SEC24B: variants seen among roughly 807,000 people sequenced by gnomAD.
SEC24B encodes the protein protein transport protein Sec24B.
Under a neutral mutation model 142.8 loss-of-function variants are expected in SEC24B, and 45 were observed. The observed-to-expected ratio is 0.32, with a 90% CI of 0.25 to 0.40. SEC24B has a LOEUF of 0.40. Among genes scored for constraint, SEC24B ranks in the 10% least tolerant of loss-of-function variants. The probability of loss-of-function intolerance (pLI) is 1.00; values close to 1 mark genes in which losing one functional copy is unlikely to be tolerated. For missense variants in SEC24B, 1,409 were observed against 1,526.8 expected (o/e 0.92, Z 1.29); for synonymous variants, 574 against 568.2 (o/e 1.01, Z -0.15).
At position 109,467,299 on chromosome 4, in the gene SEC24B, C is replaced by G. The variant is rs542210668; in HGVS notation, c.877+3655C>G. Among the ~76,000 whole-genome samples, 424 of 141,848 alleles carry G rather than the reference C, an allele frequency of 3.0e-3. 5 individuals are homozygous for G. The highest frequency in any genetic ancestry group is 5.8e-4 in the Non-Finnish European group (39 of 66,674). The allele number at this position is 141,848 out of a possible 152,430, so 93.1% of individuals were successfully genotyped here. On this transcript the variant is annotated intron_variant, in intron 2 of 23. Coordinates refer to ENST00000265175, the MANE Select transcript of SEC24B (RefSeq NM_006323.5). ...CGAGATCGCGCCACTGCACTCCAGC[C>G]TGGGCGACAGAGCGAGACTCCGTCT...
rs1737163720 is a variant in SEC24B at position 109,510,117 on chromosome 4, G to GT, written c.1776+7dup. 1 of 1,523,068 alleles carries GT rather than the reference G, an allele frequency of 6.6e-7. No individual in the cohort carries two copies. The highest frequency in any genetic ancestry group is 1.8e-5 in the Admixed American group (1 of 55,256). 94.3% of individuals were successfully genotyped at this position (1,523,068 alleles called of 1,614,324 possible). ...ATCCCTTCAGAGACCTAACGGTAAA[G>GT]TAACATTTTATAATATTTATGGGTA... On this transcript the variant is annotated splice_region_variant and intron_variant, in intron 8 of 23. Coordinates refer to ENST00000265175, the MANE Select transcript of SEC24B (RefSeq NM_006323.5).
chr4:109,458,827 TTCTG>T (rs1730968451), intron 1 of SEC24B, among the ~76,000 whole-genome samples: 5 of 148,846 alleles, frequency 3.4e-5, no homozygotes, highest in Non-Finnish European at 7.5e-5. Flanking sequence ...TTTGATCACT[TTCTG>T]TATTTTTTTT....
At chr4:109,524,712 C>T (rs1724029070) in intron 14 of SEC24B, 106 bp from the exon 15 acceptor site, 1 of 977,764 alleles carries the variant, frequency 1.0e-6, no homozygotes, top group Non-Finnish European at 1.5e-6. Flanking sequence ...ATTTAGAAAA[C>T]TCTTAGTTTG....
chr4:109,496,264 C>T (rs1735532837), intron 6 of SEC24B, among the ~76,000 whole-genome samples: 1 of 152,058 alleles, frequency 6.6e-6, no homozygotes, highest in Non-Finnish European at 1.5e-5. Context: ...AGGTGCCCAC[C>T]ACCATGCCCG....
chr4:109,478,079 C>T (rs1380005991), intron 3 of SEC24B, among the ~76,000 whole-genome samples: 5 of 152,012 alleles, frequency 3.3e-5, no homozygotes, highest in African/African-American at 4.8e-5. Flanking sequence ...GTCAGGACTT[C>T]GAGACCAGTC....
chr4:109,533,539 G>C, intron 21 of SEC24B, 54 bp from the exon 22 acceptor site: 2 of 1,090,972 alleles, frequency 1.8e-6, no homozygotes, highest in Non-Finnish European at 2.8e-6. Context: ...GAACATTAAT[G>C]AAAATGAATT....
chr4:109,530,331 A>T lies in SEC24B; in HGVS notation c.3119A>T (p.Asp1040Val). 1 of 1,613,918 alleles carries T rather than the reference A, an allele frequency of 6.2e-7. No individual in the cohort carries two copies. Among genetic ancestry groups the T allele is most frequent in the Non-Finnish European group, 8.5e-7 (1 of 1,179,912 alleles). The change falls in exon 19 of 24, where the codon GAT (aspartate) becomes GTT (valine). Residue 1040 changes from aspartate (D) to valine (V), a missense_variant. By Grantham distance (152) the Asp-to-Val change is radical (BLOSUM62 -3). Coordinates refer to ENST00000265175, the MANE Select transcript of SEC24B (RefSeq NM_006323.5). Reference sequence around the variant, plus strand: ...TCATCAAGTCTGTCAGATGCAAGAGATGCCTTAGTGAATGCTGTAGTGGAC... The same window carrying T: ...TCATCAAGTCTGTCAGATGCAAGAGTTGCCTTAGTGAATGCTGTAGTGGAC... ...SVSSSLSDAR[D>V]ALVNAVVDSL... is the part of the protein sequence containing the mutation.
In SEC24B at chr4:109,530,440, C is replaced by G. The variant is rs191556752; in HGVS notation, c.3228C>G (p.Leu1076=). The G allele has an allele frequency of 1.4e-4, 221 of 1,613,920 alleles. No individual in the cohort carries two copies. The East Asian group carries it at 4.6e-3, about 34-fold the overall frequency. Residue 1076 remains leucine, a synonymous_variant, in exon 19 of 24, where the codon CTC becomes CTG. Coordinates refer to ENST00000265175, the MANE Select transcript of SEC24B (RefSeq NM_006323.5). ...CCAGCTCCCTCAAGTTGTTTCCTCT[C>G]TATGTTTTGGCCCTTCTCAAACAGG... ...MAPSSLKLFP[L]YVLALLKQKA...
intron 1 of SEC24B, among the ~76,000 whole-genome samples, chr4:109,453,894 G>C (rs1730397499): frequency 6.6e-6 from 1 of 152,130 alleles, no homozygotes; most frequent in African/African-American, 2.4e-5. Flanking sequence ...TTTCGCTCTT[G>C]TCCCCCAGGC....
In SEC24B at chr4:109,539,477, G is replaced by A. The variant is rs574668781; in HGVS notation, c.3693-84G>A. The A allele has an allele frequency of 1.4e-5, 11 of 771,116 alleles. No homozygotes were observed. The East Asian group carries it at 2.3e-4, about 16-fold the overall frequency. 47.8% of individuals were successfully genotyped at this position (771,116 alleles called of 1,614,324 possible). A position where few individuals can be genotyped will look rare whatever the true frequency, so the allele number is the denominator to read the frequency against. ...ATTTGTATAAATTTACAGGATACAAGTGTAATTTTATGAGCTAGATTGCAA... is the reference window on the plus strand; with the variant it reads ...ATTTGTATAAATTTACAGGATACAAATGTAATTTTATGAGCTAGATTGCAA... On this transcript the variant is annotated intron_variant, in intron 23 of 23. Transcript: ENST00000265175.
chr4:109,518,878 C>T (rs1723282025), intron 11 of SEC24B, among the ~76,000 whole-genome samples: 1 of 147,654 alleles, frequency 6.8e-6, no homozygotes, highest in South Asian at 2.1e-4. Flanking sequence ...GTGATCTCTG[C>T]TCGCTGCAGC....
intron 14 of SEC24B, among the ~76,000 whole-genome samples, chr4:109,523,791 T>C (rs1015097812): frequency 1.2e-4 from 18 of 152,338 alleles, no homozygotes; most frequent in Admixed American, 1.2e-3. Flanking sequence ...TTTAAGTTAT[T>C]AAATAAAGAA....
chr4:109,436,381 A>C (rs975786397), intron 1 of SEC24B, among the ~76,000 whole-genome samples: 1 of 152,196 alleles, frequency 6.6e-6, no homozygotes, highest in Non-Finnish European at 1.5e-5. Context: ...TTAGCCTTTT[A>C]ATATATCTCT....
In SEC24B at chr4:109,481,724, A is replaced by G. The variant is rs759045509; in HGVS notation, c.1108A>G (p.Thr370Ala). Residue 370 changes from threonine (T) to alanine (A), a missense_variant, in exon 4 of 24, where the codon ACT (threonine) becomes GCT (alanine). Thr to Ala is a moderately conservative substitution (Grantham distance 58). Coordinates refer to ENST00000265175, the MANE Select transcript of SEC24B (RefSeq NM_006323.5). ...TAATAACCAAGCTAGCTCCGCACCA[A>G]CTCCCTTGTCATCAACTTCCGATGA... ...YVNNQASSAP[T>A]PLSSTSDDEE... The G allele has an allele frequency of 2.5e-6, 4 of 1,613,716 alleles. No individual in the cohort carries two copies. Among genetic ancestry groups the G allele is most frequent in the Non-Finnish European group, 3.4e-6 (4 of 1,179,762 alleles).
rs569782386 is a variant in SEC24B at position 109,466,427 on chromosome 4, T to C, written c.877+2783T>C. On this transcript the variant is annotated intron_variant, in intron 2 of 23. Coordinates refer to ENST00000265175, the MANE Select transcript of SEC24B (RefSeq NM_006323.5). Reference sequence around the variant, plus strand: ...TTTTGTGTTTTGTTTTGTTTTGTTTTTGAGATGGAGTCTCGCTCTGTCACC... The same window carrying C: ...TTTTGTGTTTTGTTTTGTTTTGTTTCTGAGATGGAGTCTCGCTCTGTCACC... Among the ~76,000 whole-genome samples the C allele has an allele frequency of 5.3e-5, 8 of 152,326 alleles. No homozygotes were observed. In the South Asian group the frequency reaches 1.7e-3, roughly 32 times the overall value.
intron 17 of SEC24B, among the ~76,000 whole-genome samples, chr4:109,526,653 C>T (rs913863498): frequency 6.6e-6 from 1 of 152,072 alleles, no homozygotes; most frequent in South Asian, 2.1e-4. Context: ...ATGCTAAATC[C>T]AGCTATGCCA....
intron 1 of SEC24B, among the ~76,000 whole-genome samples, chr4:109,448,437 A>C (rs1467235060): frequency 1.3e-5 from 2 of 152,160 alleles, no homozygotes; most frequent in African/African-American, 2.4e-5. Flanking sequence ...AGACTTACAG[A>C]AGTGTTGCAA....
intron 6 of SEC24B, 81 bp from the exon 7 acceptor site, chr4:109,506,247 T>A (rs1342776654): frequency 2.0e-6 from 2 of 996,936 alleles, no homozygotes; most frequent in Non-Finnish European, 2.7e-6. Context: ...GCTTTTTCTG[T>A]ATGTTGAGAT....
intron 3 of SEC24B, among the ~76,000 whole-genome samples, chr4:109,477,751 A>G (rs966167177): frequency 6.6e-6 from 1 of 152,164 alleles, no homozygotes. Flanking sequence ...AGCATATACT[A>G]CTAAGTACTA....
Sources: gnomAD v4.1 joint callset for allele counts (sites outside exome capture counted in the v4.1 genomes callset) on GRCh38, gnomAD v4.1.1 for gene constraint, MANE v1.5 for transcripts, NCBI Gene and HGNC (gene_info 2026-07-23, HGNC 2026-07-21) for gene names.